TPTE2: variants seen among roughly 807,000 people sequenced by gnomAD.
TPTE2 encodes phosphatidylinositol 3,4,5-trisphosphate 3-phosphatase TPTE2.
Under a neutral mutation model 78.6 loss-of-function variants are expected in TPTE2, and 53 were observed. That is an observed-to-expected ratio of 0.67 (90% CI 0.54 to 0.85). The LOEUF is 0.85. Ranked by LOEUF, TPTE2 falls within the 40% of genes least tolerant of loss-of-function variation. TPTE2 has a pLI of 0.00. For synonymous variants in TPTE2, 175 were observed against 206.2 expected, an observed-to-expected ratio of 0.85 and a Z score of 1.30; for missense variants, 461 against 623.0, an observed-to-expected ratio of 0.74 and a Z score of 2.77.
intron 1 of TPTE2, among the ~76,000 whole-genome samples, chr13:19,510,713 G>C (rs573867078): frequency 6.6e-6 from 1 of 152,158 alleles, no homozygotes; most frequent in South Asian, 2.1e-4. Context: ...AATTTTAAAA[G>C]AAATTTGATG....
chr13:19,459,357 C>T (rs1204657457), intron 10 of TPTE2, among the ~76,000 whole-genome samples: 1 of 152,158 alleles, frequency 6.6e-6, no homozygotes, highest in Non-Finnish European at 1.5e-5. Context: ...CAGCCAGCTC[C>T]TTCCTTTGGA....
At chr13:19,508,096 T>G (rs1869192389), upstream of TPTE2, among the ~76,000 whole-genome samples, 1 of 152,126 alleles carries the variant, frequency 6.6e-6, no homozygotes, top group South Asian at 2.1e-4. Context: ...ATGACACGGC[T>G]TACGTCCTAG....
chr13:19,462,843 C>G (rs753068546), intron 10 of TPTE2, among the ~76,000 whole-genome samples: 1 of 151,130 alleles, frequency 6.6e-6, no homozygotes, highest in Non-Finnish European at 1.5e-5. Flanking sequence ...CTGCACCTGA[C>G]GAATATTCCC....
chr13:19,559,247 A>G, the TPTE2 span, among the ~76,000 whole-genome samples: 1 of 152,214 alleles, frequency 6.6e-6, no homozygotes, highest in Admixed American at 6.5e-5. Context: ...TTTGAGCTCG[A>G]TAGTATATAT....
intron 15 of TPTE2, among the ~76,000 whole-genome samples, chr13:19,433,414 A>C (rs552962700): frequency 6.6e-6 from 1 of 152,268 alleles, no homozygotes; most frequent in South Asian, 2.1e-4. Context: ...GAGGCAGGAG[A>C]ATCGCTTGAA....
At position 19,467,349 on chromosome 13, in the gene TPTE2, AATAT is replaced by A; in HGVS notation, c.393-9_393-6del. ...TCAGAAAAATACTGCTGTCTCCTGT[AATAT>A]AAAAAAAAAAAAAAAAAAGTTCATT... On this transcript the variant is annotated splice_region_variant and splice_polypyrimidine_tract_variant and intron_variant, in intron 6 of 19. Coordinates refer to ENST00000400230, the Ensembl canonical transcript of TPTE2. The A allele has an allele frequency of 1.5e-6, 2 of 1,368,818 alleles. No individual in the cohort carries two copies. The highest frequency in any genetic ancestry group is 2.8e-5 in the East Asian group (1 of 36,338). 84.8% of individuals were successfully genotyped at this position (1,368,818 alleles called of 1,614,324 possible).
At chr13:19,490,711 T>C (rs1387061968) in intron 3 of TPTE2, among the ~76,000 whole-genome samples, 6 of 152,226 alleles carry the variant, frequency 3.9e-5, no homozygotes, top group Non-Finnish European at 7.3e-5. Flanking sequence ...AGGCAGGGCC[T>C]GCATACGATC....
At chr13:19,514,309 T>A (rs1235364188) in intron 1 of TPTE2, among the ~76,000 whole-genome samples, 2 of 152,180 alleles carry the variant, frequency 1.3e-5, no homozygotes. Flanking sequence ...AAGTCTCTGA[T>A]TGAAAGCTGT....
the TPTE2 span, among the ~76,000 whole-genome samples, chr13:19,549,516 G>A: frequency 2.0e-5 from 3 of 152,086 alleles, no homozygotes; most frequent in South Asian, 6.2e-4. Context: ...ATGCTGGTGA[G>A]GTTGCAGAGG....
intron 1 of TPTE2, among the ~76,000 whole-genome samples, chr13:19,525,236 C>G (rs972622123): frequency 3.3e-5 from 5 of 152,100 alleles, no homozygotes; most frequent in Non-Finnish European, 5.9e-5. Context: ...TGGAGGATAG[C>G]CAAAGCAATC....
chr13:19,485,966 C>T (rs892425037), intron 3 of TPTE2, among the ~76,000 whole-genome samples: 1 of 152,026 alleles, frequency 6.6e-6, no homozygotes, highest in Non-Finnish European at 1.5e-5. Flanking sequence ...TACCTTATAT[C>T]TCACTGAGTT....
chr13:19,498,624 AC>A (rs1291075167), intron 1 of TPTE2, among the ~76,000 whole-genome samples: 35 of 152,088 alleles, frequency 2.3e-4, no homozygotes, highest in African/African-American at 8.4e-4. Context: ...CACCAGGCTT[AC>A]CCTAAAAGAG....
chr13:19,560,387 C>A, the TPTE2 span: 15 of 1,608,462 alleles, frequency 9.3e-6, no homozygotes, highest in Middle Eastern at 2.0e-4. Context: ...CCCAGGCCAG[C>A]TGCCCGTGCC....
At chr13:19,560,353 T>G in the TPTE2 span, 1 of 1,596,426 alleles carries the variant, frequency 6.3e-7, no homozygotes, top group Admixed American at 1.7e-5. Context: ...CCGCACCAGT[T>G]GCAGCAGGGC....
intron 14 of TPTE2, among the ~76,000 whole-genome samples, chr13:19,437,709 C>CT (rs1877200458): frequency 6.6e-6 from 1 of 152,118 alleles, no homozygotes; most frequent in African/African-American, 2.4e-5. Context: ...CTTTACTCCC[C>CT]TCACCTTAAT....
chr13:19,540,586 T>C (rs535067264), upstream of TPTE2, among the ~76,000 whole-genome samples: 2 of 152,246 alleles, frequency 1.3e-5, no homozygotes, highest in South Asian at 2.1e-4. Context: ...ATTACAGTCA[T>C]GAGCCACTGC....
chr13:19,425,155 T>A, intron 18 of TPTE2, 138 bp from the exon 22 acceptor site: 2 of 489,024 alleles, frequency 4.1e-6, no homozygotes, highest in Admixed American at 8.5e-5. Flanking sequence ...CTGCAATCTA[T>A]AACAATACAC....
chr13:19,560,520 A>G, the TPTE2 span: 1 of 1,586,952 alleles, frequency 6.3e-7, no homozygotes, highest in Non-Finnish European at 8.6e-7. Flanking sequence ...ACATCTGGTC[A>G]GACAGCGACA....
chr13:19,446,798 A>G (rs1877869117), intron 13 of TPTE2, among the ~76,000 whole-genome samples: 2 of 152,084 alleles, frequency 1.3e-5, no homozygotes, highest in African/African-American at 4.8e-5. Flanking sequence ...AAAATTAGCC[A>G]GGCATGGTGA....
Sources: allele counts gnomAD v4.1 joint callset (sites outside exome capture counted in the v4.1 genomes callset), GRCh38; gene constraint gnomAD v4.1.1; transcripts MANE v1.5; gene names NCBI Gene and HGNC (gene_info 2026-07-23, HGNC 2026-07-21).